MYO7A: variants seen among roughly 807,000 people sequenced by gnomAD.
MYO7A encodes myosin VIIA.
A neutral mutation model predicts 263.8 loss-of-function variants in MYO7A; 210 were observed. The ratio of observed to expected loss-of-function variants is 0.80; its 90% CI spans 0.71 to 0.89. MYO7A has a LOEUF of 0.89. Among genes scored for constraint, MYO7A ranks in the 40% least tolerant of loss-of-function variants. The pLI, the probability that MYO7A is intolerant of heterozygous loss-of-function variation, is 0.00. For synonymous variants in MYO7A, 1,239 were observed against 1,197.3 expected (o/e 1.03, Z -0.72); for missense variants, 2,820 against 2,968.3 (o/e 0.95, Z 1.16).
Position 77,161,131 on chromosome 11 carries a change from C to T in MYO7A, c.1343+16C>T. The T allele has an allele frequency of 2.5e-6, 4 of 1,613,082 alleles. No individual in the cohort carries two copies. Among genetic ancestry groups the T allele is most frequent in the African/African-American group, 2.7e-5 (2 of 75,024 alleles). ...CTGTGAACAGGTACCGCGTGGGGCT[C>T]TGCTCATGGGAATTTCCTTCCCCAA... On this transcript the variant is annotated intron_variant, in intron 12 of 48. Transcript: ENST00000409709.
Position 77,184,696 on chromosome 11 carries a change from A to C in MYO7A, c.3484A>C (p.Ile1162Leu). Reference protein sequence around the residue: ...EKLHFIIGNGILRPALRDEIY... With the variant: ...EKLHFIIGNGLLRPALRDEIY... ...GCTGCACTTCATCATCGGCAATGGC[A>C]TCCTGCGGCCAGCACTCCGGTCAGT... The change falls in exon 27 of 49, where the codon ATC becomes CTC. Residue 1162 changes from isoleucine (I) to leucine (L), a missense_variant. Physicochemically the swap from Ile to Leu is conservative, Grantham distance 5. Transcript: ENST00000409709. 1 of 1,600,412 alleles carries C rather than the reference A, an allele frequency of 6.2e-7. No individual in the cohort carries two copies. Among genetic ancestry groups the C allele is most frequent in the South Asian group, 1.1e-5 (1 of 89,204 alleles).
intron 4 of MYO7A, among the ~76,000 whole-genome samples, chr11:77,148,280 C>G (rs1733862017): frequency 6.6e-6 from 1 of 152,192 alleles, no homozygotes. Flanking sequence ...GGTGCTTTGC[C>G]CATGCACAGG....
At chr11:77,192,929 T>TTGGTGATGGTGGAGGTAGTGATGC (rs1565442187) in intron 31 of MYO7A, among the ~76,000 whole-genome samples, 2 of 73,528 alleles carry the variant, frequency 2.7e-5, no homozygotes, top group Admixed American at 1.2e-4. Context: ...AGTGATGGTG[T>TTGGTGATGGTGGAGGTAGTGATGC]TGTTTGTGAT....
At chr11:77,207,883 C>T (rs879591435) in intron 42 of MYO7A, among the ~76,000 whole-genome samples, 13 of 152,202 alleles carry the variant, frequency 8.5e-5, no homozygotes, top group Non-Finnish European at 1.3e-4. Context: ...CACCATTTCA[C>T]ATCACGCTCC....
At chr11:77,211,009 G>A (rs1957824345) in intron 44 of MYO7A, 143 bp from the exon 45 acceptor site, 1 of 724,774 alleles carries the variant, frequency 1.4e-6, no homozygotes, top group Admixed American at 2.8e-5. Context: ...TGGGGGAGCA[G>A]TGTCAGCTGA....
chr11:77,169,517 T>C (rs1439456021), intron 15 of MYO7A, among the ~76,000 whole-genome samples: 1 of 152,224 alleles, frequency 6.6e-6, no homozygotes, highest in African/African-American at 2.4e-5. Flanking sequence ...GGGGAGCATT[T>C]GACATTGGCC....
chr11:77,207,163 C>T, intron 41 of MYO7A, 126 bp from the exon 42 acceptor site: 2 of 631,854 alleles, frequency 3.2e-6, no homozygotes, highest in Admixed American at 2.8e-5. Context: ...ATGCCCAGCT[C>T]TGTGCCCACA....
At chr11:77,137,344 C>A (rs959687683) in intron 2 of MYO7A, among the ~76,000 whole-genome samples, 13 of 152,136 alleles carry the variant, frequency 8.5e-5, no homozygotes, top group African/African-American at 3.1e-4. Context: ...CCATTCCCCC[C>A]ACCCAGTCCC....
At chr11:77,204,330 C>T (rs745447190) in intron 39 of MYO7A, 101 bp downstream of exon 39, 83 of 1,460,828 alleles carry the variant, frequency 5.7e-5, no homozygotes, top group Non-Finnish European at 7.1e-5. Context: ...TGGATGCAGT[C>T]CTTCCTCACA....
At chr11:77,162,436 C>T (rs944762173) in intron 13 of MYO7A, 106 bp downstream of exon 13, 2 of 1,128,348 alleles carry the variant, frequency 1.8e-6, no homozygotes, top group African/African-American at 3.1e-5. Context: ...TAATGATACC[C>T]ACCTCTCAAG....
Position 77,147,793 on chromosome 11 carries a change from C to A in MYO7A, c.133-5C>A. 2 of 1,609,354 alleles carry A rather than the reference C, an allele frequency of 1.2e-6. No individual in the cohort carries two copies. The highest frequency in any genetic ancestry group is 1.7e-6 in the Non-Finnish European group (2 of 1,178,672). On this transcript the variant is annotated splice_region_variant and splice_polypyrimidine_tract_variant and intron_variant, in intron 3 of 48. Transcript: ENST00000409709. The stretch of plus-strand genomic sequence containing the variant: ...AGAGCACGCTGACGTTCTGGCTCCC[C>A]GCAGGAACACTGGATCTCTCCGCAG...
rs554113043 is a variant in MYO7A, at chr11:77,179,983, C to A, written c.2586+30C>A. 2.7e-5 allele frequency: 41 copies of A among 1,503,748 alleles called. No individual in the cohort carries two copies. The East Asian group carries it at 8.5e-4, about 31-fold the overall frequency. The allele number at this position is 1,503,748 out of a possible 1,614,324, so 93.2% of individuals were successfully genotyped here. A position where few individuals can be genotyped will look rare whatever the true frequency, so the allele number is the denominator to read the frequency against. On this transcript the variant is annotated intron_variant, in intron 21 of 48. Transcript: ENST00000409709. ...GGGAGCAAGTCCATAGCACCCACAG[C>A]TCTGACCCCTGGGCGAGGAGTGTCC...
In MYO7A at chr11:77,192,102, T is replaced by C; in HGVS notation, c.3976T>C (p.Cys1326Arg). ...CCACGTCATGGACGCCATCTCCCAG[T>C]GCGAGCAGTACGCCAAGGAGCAGGG... ...SDHVMDAISQ[C>R]EQYAKEQGAQ... The change falls in exon 31 of 49, where the codon TGC (cysteine) becomes CGC (arginine). Residue 1326 changes from cysteine (C) to arginine (R), a missense_variant. Coordinates refer to ENST00000409709, the MANE Select transcript of MYO7A (RefSeq NM_000260.4). The C allele has an allele frequency of 1.2e-6, 2 of 1,613,854 alleles. No homozygotes were observed. The highest frequency in any genetic ancestry group is 1.7e-6 in the Non-Finnish European group (2 of 1,179,888).
At position 77,162,854 on chromosome 11, in the gene MYO7A, G is replaced by A. The variant is rs111033206; in HGVS notation, c.1556G>A (p.Gly519Asp). The change falls in exon 14 of 49, where the codon GGC becomes GAC. Residue 519 changes from glycine (G) to aspartate (D), a missense_variant and splice_region_variant. By Grantham distance (94) the Gly-to-Asp change is moderately conservative. Coordinates refer to ENST00000409709, the MANE Select transcript of MYO7A (RefSeq NM_000260.4). The part of the protein sequence containing the change: ...LIDEESKFPK[G>D]TDTTMLHKLN... ...CACAGCTGCCCCTCCACTCCCCAGGGCACAGACACCACCATGTTACACAAG... is the reference window on the plus strand; with the variant it reads ...CACAGCTGCCCCTCCACTCCCCAGGACACAGACACCACCATGTTACACAAG... The A allele has an allele frequency of 1.6e-5, 26 of 1,613,452 alleles. No individual in the cohort carries two copies. Among genetic ancestry groups the A allele is most frequent in the East Asian group, 2.2e-5 (1 of 44,866 alleles).
chr11:77,191,055 T>C (rs1956031836), intron 30 of MYO7A, 185 bp downstream of exon 30: 1 of 624,210 alleles, frequency 1.6e-6, no homozygotes. Flanking sequence ...GGTGCGGTGG[T>C]TCACACCTGT....
intron 11 of MYO7A, 55 bp downstream of exon 11, chr11:77,160,337 C>A: frequency 6.5e-7 from 1 of 1,526,882 alleles, no homozygotes. Context: ...AAGTTGGGCT[C>A]TTGATGGGCA....
At chr11:77,137,555 C>T (rs1403111812) in intron 2 of MYO7A, among the ~76,000 whole-genome samples, 1 of 152,186 alleles carries the variant, frequency 6.6e-6, no homozygotes, top group Non-Finnish European at 1.5e-5. Flanking sequence ...GGGCCTGGGC[C>T]TTCCGGACCC....
intron 19 of MYO7A, among the ~76,000 whole-genome samples, chr11:77,178,786 A>G (rs1392789254): frequency 6.6e-6 from 1 of 152,176 alleles, no homozygotes; most frequent in Admixed American, 6.5e-5. Flanking sequence ...TTTTTCATAC[A>G]TTTATTCATT....
rs772481987 is a variant in MYO7A, at chr11:77,190,026, C to T, written c.3637C>T (p.Arg1213Trp). Residue 1213 changes from arginine (R) to tryptophan (W), a missense_variant, in exon 29 of 49, where the codon CGG becomes TGG. Physicochemically the swap from Arg to Trp is moderately radical, Grantham distance 101. Coordinates refer to ENST00000409709, the MANE Select transcript of MYO7A (RefSeq NM_000260.4). ...APSEKFVKYL[R>W]NFIHGGPPGY... ...GCGGGTACTCTGGCTGCAGTACCTG[C>T]GGAACTTCATCCACGGGGGCCCGCC... is the stretch of plus-strand genomic sequence containing the variant. 1.4e-5 allele frequency: 22 copies of T among 1,549,696 alleles called. No individual in the cohort carries two copies. The highest frequency in any genetic ancestry group is 1.8e-5 in the Non-Finnish European group (21 of 1,147,064).
Sources: allele counts gnomAD v4.1 joint callset (sites outside exome capture counted in the v4.1 genomes callset), GRCh38; gene constraint gnomAD v4.1.1; transcripts MANE v1.5; gene names NCBI Gene and HGNC (gene_info 2026-07-23, HGNC 2026-07-21).